The following DMD variants were observed in gnomAD, a reference collection of about 807,000 sequenced individuals.
The protein encoded by DMD is mutant dystrophin.
DMD carries 63 observed loss-of-function variants against 330.1 expected under a neutral mutation model. The observed-to-expected ratio is 0.19, with a 90% CI of 0.16 to 0.24. The LOEUF (loss-of-function observed/expected upper bound fraction) is 0.24. DMD is among the 10% of genes least tolerant of loss of function. The pLI, the probability that DMD is intolerant of heterozygous loss-of-function variation, is 1.00. For synonymous variants in DMD, 1,223 were observed against 959.8 expected (o/e 1.27, Z -5.07); for missense variants, 3,344 against 2,684.1 (o/e 1.25, Z -5.43).
At chrX:32,616,690 C>CTT (rs1173392895) in intron 11 of DMD, among the ~76,000 whole-genome samples, 6,242 of 60,083 alleles carry the variant, frequency 0.1, 605 homozygotes, top group African/African-American at 0.15. Context: ...GTTCTGGTTC[C>CTT]TTTTTTTTTT....
chrX:32,085,679 C>CGTGT (rs1293436344), intron 44 of DMD, among the ~76,000 whole-genome samples: 3 of 80,916 alleles, frequency 3.7e-5, no homozygotes, highest in African/African-American at 9.2e-5. Flanking sequence ...TATACACACG[C>CGTGT]GTATATATAT....
At position 31,964,596 on chromosome X, in the gene DMD, AGTGTGTGT is replaced by A. The variant is rs59973399; in HGVS notation, c.6614+3735_6614+3742del. Among the ~76,000 whole-genome samples the A allele has an allele frequency of 8.0e-5, 8 of 99,627 alleles. No homozygotes were observed. The East Asian group carries it at 9.3e-4, about 12-fold the overall frequency. 86.5% of individuals were successfully genotyped at this position (99,627 alleles called of 115,157 possible). On this transcript the variant is annotated intron_variant, in intron 45 of 78. Coordinates refer to ENST00000357033, the MANE Select transcript of DMD (RefSeq NM_004006.3). The stretch of plus-strand genomic sequence containing the variant: ...TAACTTATTTGCAAAAATGTTAAAA[AGTGTGTGT>A]GTGTGTGTGTGTGTGTGTGTGTGAT...
rs1418336724 is a variant in DMD, at chrX:31,731,326, T to C, written c.7543-1578A>G. Among the ~76,000 whole-genome samples the C allele has an allele frequency of 5.4e-5, 6 of 111,674 alleles. No individual in the cohort carries two copies. In the East Asian group the frequency reaches 1.7e-3, roughly 31 times the overall value. On this transcript the variant is annotated intron_variant, in intron 51 of 78. Transcript: ENST00000357033. ...GGAGAGTACTGAACAAATTTTAAAG[T>C]AGGAACCATATAGTAGCAGGTAGAT...
intron 9 of DMD, among the ~76,000 whole-genome samples, chrX:32,654,106 T>C (rs1182083826): frequency 9.0e-6 from 1 of 111,427 alleles, no homozygotes; most frequent in Non-Finnish European, 1.9e-5. Context: ...ACAGGGACAA[T>C]TTGACTTCCT....
At chrX:33,025,268 G>C (rs768765540) in intron 1 of DMD, among the ~76,000 whole-genome samples, 76 of 111,490 alleles carry the variant, frequency 6.8e-4, no homozygotes, top group Non-Finnish European at 1.2e-3. Context: ...CAGACAGTAA[G>C]GACAAGGACA....
intron 44 of DMD, among the ~76,000 whole-genome samples, chrX:32,142,787 A>G (rs767142508): frequency 2.5e-4 from 28 of 112,583 alleles, no homozygotes; most frequent in African/African-American, 8.7e-4. Flanking sequence ...CTATACATTT[A>G]CCAAATGGCA....
intron 1 of DMD, among the ~76,000 whole-genome samples, chrX:33,231,019 G>A (rs773269865): frequency 4.2e-4 from 47 of 111,220 alleles, no homozygotes; most frequent in African/African-American, 1.3e-3. Context: ...TGAGTATTTT[G>A]CAACAGTATA....
intron 2 of DMD, among the ~76,000 whole-genome samples, chrX:32,920,536 C>T (rs2088289935): frequency 8.9e-6 from 1 of 111,870 alleles, no homozygotes. Flanking sequence ...TGTCCCTTTC[C>T]CTATCCTTCT....
At chrX:31,368,348 CGTT>C (rs2059371257) in intron 60 of DMD, among the ~76,000 whole-genome samples, 1 of 111,978 alleles carries the variant, frequency 8.9e-6, no homozygotes, top group Non-Finnish European at 1.9e-5. Flanking sequence ...ATCTTTCCGA[CGTT>C]GTGTGAAGTT....
chrX:31,730,569 T>A (rs745362312), intron 51 of DMD, among the ~76,000 whole-genome samples: 4 of 111,257 alleles, frequency 3.6e-5, no homozygotes, highest in Non-Finnish European at 7.5e-5. Context: ...GTGTCTATTT[T>A]CTCTGTCATC....
intron 52 of DMD, among the ~76,000 whole-genome samples, chrX:31,689,779 C>T (rs954605944): frequency 4.5e-5 from 5 of 111,494 alleles, no homozygotes; most frequent in South Asian, 3.7e-4. Flanking sequence ...GAGATATACA[C>T]CAATGGAACA....
intron 49 of DMD, among the ~76,000 whole-genome samples, chrX:31,820,559 T>C (rs932557331): frequency 3.6e-5 from 4 of 111,924 alleles, no homozygotes; most frequent in Admixed American, 1.9e-4. Context: ...GAAAGACTCT[T>C]GTTCTAGATG....
chrX:32,294,059 C>G (rs1331837502), intron 42 of DMD, among the ~76,000 whole-genome samples: 8 of 111,912 alleles, frequency 7.1e-5, no homozygotes, highest in African/African-American at 2.6e-4. Context: ...ACCAACATAT[C>G]TTCTTGGCTG....
At chrX:33,207,990 T>C (rs936996527) in intron 1 of DMD, among the ~76,000 whole-genome samples, 44 of 111,485 alleles carry the variant, frequency 3.9e-4, no homozygotes, top group African/African-American at 1.4e-3. Context: ...TAGCAGGACT[T>C]TGTGAGAAAG....
At chrX:32,539,536 G>T (rs762742529) in intron 17 of DMD, among the ~76,000 whole-genome samples, 1 of 109,828 alleles carries the variant, frequency 9.1e-6, no homozygotes, top group African/African-American at 3.3e-5. Flanking sequence ...AAAAGTTCAC[G>T]GACACATTAA....
At chrX:33,061,929 T>G (rs1455202817) in intron 1 of DMD, among the ~76,000 whole-genome samples, 1 of 111,636 alleles carries the variant, frequency 9.0e-6, no homozygotes, top group Non-Finnish European at 1.9e-5. Context: ...AATATAAGTT[T>G]CCCTATTCAC....
At chrX:33,176,559 AGTGT>A (rs67497965) in intron 1 of DMD, among the ~76,000 whole-genome samples, 43 of 102,778 alleles carry the variant, frequency 4.2e-4, no homozygotes, top group East Asian at 1.2e-3. Context: ...CAAGCACAGA[AGTGT>A]GTGTGTGTGT....
At chrX:31,236,316 AT>A (rs1222096701) in intron 63 of DMD, among the ~76,000 whole-genome samples, 1 of 112,655 alleles carries the variant, frequency 8.9e-6, no homozygotes, top group African/African-American at 3.2e-5. Flanking sequence ...TTGGTCAGAT[AT>A]TTTATTAACT....
At chrX:31,125,239 G>A (rs1454479760) in intron 78 of DMD, among the ~76,000 whole-genome samples, 3 of 111,546 alleles carry the variant, frequency 2.7e-5, no homozygotes, top group Non-Finnish European at 3.8e-5. Context: ...TCTCACATAC[G>A]AAGTACATGA....
Sources: gnomAD v4.1 joint callset for allele counts (sites outside exome capture counted in the v4.1 genomes callset) on GRCh38, gnomAD v4.1.1 for gene constraint, MANE v1.5 for transcripts, NCBI Gene and HGNC (gene_info 2026-07-23, HGNC 2026-07-21) for gene names.